NOP58: variants seen among roughly 807,000 people sequenced by gnomAD.
NOP58 encodes NOP58 ribonucleoprotein.
A neutral mutation model predicts 71.2 loss-of-function variants in NOP58; 44 were observed. The ratio of observed to expected loss-of-function variants is 0.62; its 90% CI spans 0.49 to 0.79. The LOEUF is 0.79. NOP58 is among the 30% of genes least tolerant of loss of function. The pLI is 0.00. For synonymous variants in NOP58, 228 were observed against 200.3 expected (o/e 1.14, Z -1.17); for missense variants, 538 against 620.2 (o/e 0.87, Z 1.41).
At chr2:202,301,010 G>A (rs2105858834) in intron 13 of NOP58, among the ~76,000 whole-genome samples, 1 of 152,306 alleles carries the variant, frequency 6.6e-6, no homozygotes, top group Admixed American at 6.5e-5. Context: ...TAGTATACTT[G>A]ATAGAGAAAA....
At chr2:202,269,340 ATTT>A (rs201564474) in intron 1 of NOP58, among the ~76,000 whole-genome samples, 2 of 135,212 alleles carry the variant, frequency 1.5e-5, no homozygotes. Context: ...CCTGGCCTAA[ATTT>A]TTTTTTTTTT....
intron 4 of NOP58, among the ~76,000 whole-genome samples, chr2:202,282,738 C>T (rs1163641156): frequency 6.6e-6 from 1 of 152,064 alleles, no homozygotes; most frequent in Non-Finnish European, 1.5e-5. Flanking sequence ...TGTTAATGTT[C>T]TATGTATATC....
At chr2:202,294,919 C>G (rs1167388278) in intron 9 of NOP58, among the ~76,000 whole-genome samples, 1 of 151,438 alleles carries the variant, frequency 6.6e-6, no homozygotes. Flanking sequence ...GAGCCAAGAT[C>G]GCGCCACTGC....
Position 202,302,990 on chromosome 2 carries a change from G to A in NOP58, c.1472G>A (p.Gly491Asp). The change falls in exon 14 of 15, where the codon GGT (glycine) becomes GAT (aspartate). Residue 491 changes from glycine (G) to aspartate (D), a missense_variant. Gly to Asp is a moderately conservative substitution (Grantham distance 94). Transcript: ENST00000264279. Reference protein sequence around the residue: ...ETSVKKKKKRGKKKHIKEEPL... With the variant: ...ETSVKKKKKRDKKKHIKEEPL... ...TCTGTGAAGAAGAAGAAGAAAAGGG[G>A]TAAAAAGAAACACATTAAGGAAGAA... The A allele has an allele frequency of 6.2e-7, 1 of 1,612,534 alleles. No individual in the cohort carries two copies. Among genetic ancestry groups the A allele is most frequent in the Non-Finnish European group, 8.5e-7 (1 of 1,179,704 alleles).
intron 2 of NOP58, chr2:202,276,523 CTA>C (rs779561608): frequency 1.2e-5 from 6 of 508,642 alleles, no homozygotes; most frequent in Non-Finnish European, 2.0e-5. Flanking sequence ...GATGAATCAA[CTA>C]TATGTTTCTT....
At chr2:202,302,739 T>C (rs998364572) in intron 13 of NOP58, among the ~76,000 whole-genome samples, 182 bp from the exon 14 acceptor site, 1 of 152,216 alleles carries the variant, frequency 6.6e-6, no homozygotes, top group Non-Finnish European at 1.5e-5. Context: ...CTGAGCTCTA[T>C]CTATATCATT....
chr2:202,284,256 G>A, intron 4 of NOP58, 89 bp from the exon 5 acceptor site: 1 of 1,113,238 alleles, frequency 9.0e-7, no homozygotes, highest in Non-Finnish European at 1.3e-6. Context: ...CTGGGCGACA[G>A]AGTGATACTG....
At chr2:202,278,215 T>C in intron 3 of NOP58, 1 of 643,770 alleles carries the variant, frequency 1.6e-6, no homozygotes. Flanking sequence ...ACCATAGGGC[T>C]GGTTTTCCCC....
intron 4 of NOP58, among the ~76,000 whole-genome samples, chr2:202,283,041 G>T (rs1673612062): frequency 6.6e-6 from 1 of 152,072 alleles, no homozygotes; most frequent in Admixed American, 6.6e-5. Context: ...GTGAAACCCT[G>T]TCTCTACTGA....
chr2:202,268,605 GT>G, intron 1 of NOP58, among the ~76,000 whole-genome samples: 1 of 151,442 alleles, frequency 6.6e-6, no homozygotes, highest in South Asian at 2.1e-4. Context: ...GTTTTTTGAA[GT>G]TTTTTGTTTT....
Position 202,295,669 on chromosome 2 carries a change from T to C in NOP58, c.908-5T>C, listed in dbSNP as rs1282394748. ...TGCATTCTTTGTAACTTTTTTCTTT[T>C]GTAGGTTCTCTTTTAAATTTGGCCA... is the stretch of plus-strand genomic sequence containing the variant. On this transcript the variant is annotated splice_region_variant and splice_polypyrimidine_tract_variant and intron_variant, in intron 9 of 14. Transcript: ENST00000264279. 4 of 1,560,348 alleles carry C rather than the reference T, an allele frequency of 2.6e-6. No homozygotes were observed. Among genetic ancestry groups the C allele is most frequent in the East Asian group, 4.5e-5 (2 of 44,046 alleles).
In NOP58 at chr2:202,290,462, G is replaced by A; in HGVS notation, c.634+5G>A. ...GCAAGTGTTTACAGAAAGTTGGTGAGTAATTTGTTCATCCTTTAAGGCATT... is the reference window on the plus strand; with the variant it reads ...GCAAGTGTTTACAGAAAGTTGGTGAATAATTTGTTCATCCTTTAAGGCATT... On this transcript the variant is annotated splice_donor_5th_base_variant and intron_variant, in intron 7 of 14. Transcript: ENST00000264279. 2 of 1,605,002 alleles carry A rather than the reference G, an allele frequency of 1.2e-6. No individual in the cohort carries two copies. Among genetic ancestry groups the A allele is most frequent in the Non-Finnish European group, 1.7e-6 (2 of 1,176,394 alleles).
intron 1 of NOP58, among the ~76,000 whole-genome samples, chr2:202,269,956 G>A (rs1476286094): frequency 6.6e-6 from 1 of 152,190 alleles, no homozygotes; most frequent in Non-Finnish European, 1.5e-5. Flanking sequence ...ATATTGTACA[G>A]TGTAGCTGTG....
chr2:202,287,791 C>A (rs1688818599), intron 6 of NOP58, 67 bp downstream of exon 6: 1 of 1,179,696 alleles, frequency 8.5e-7, no homozygotes, highest in African/African-American at 1.5e-5. Context: ...ACTGTTGAAA[C>A]TATCTTTTAT....
chr2:202,277,494 C>A (rs1688622658), intron 2 of NOP58, among the ~76,000 whole-genome samples: 1 of 151,126 alleles, frequency 6.6e-6, no homozygotes, highest in Non-Finnish European at 1.5e-5. Flanking sequence ...AAACAAAAAA[C>A]CATAAAGGGT....
intron 13 of NOP58, among the ~76,000 whole-genome samples, chr2:202,300,916 A>C (rs919299126): frequency 6.6e-6 from 1 of 152,208 alleles, no homozygotes; most frequent in Non-Finnish European, 1.5e-5. Context: ...GTCTAGCAGA[A>C]GAGTAAAGCA....
At chr2:202,295,975 A>AT (rs1688980551) in intron 10 of NOP58, 138 bp downstream of exon 10, 5 of 620,328 alleles carry the variant, frequency 8.1e-6, no homozygotes, top group Middle Eastern at 7.0e-4. Flanking sequence ...AGTTATTTAA[A>AT]TAAAAAGTGC....
At chr2:202,280,539 C>T (rs1481543334) in intron 3 of NOP58, among the ~76,000 whole-genome samples, 2 of 152,180 alleles carry the variant, frequency 1.3e-5, no homozygotes, top group African/African-American at 4.8e-5. Flanking sequence ...TGCCTGTTGG[C>T]CAGGCTGCTC....
chr2:202,292,507 G>A (rs1166781482), intron 8 of NOP58, among the ~76,000 whole-genome samples: 7 of 151,874 alleles, frequency 4.6e-5, no homozygotes, highest in Non-Finnish European at 1.0e-4. Flanking sequence ...GCGTGGTGGC[G>A]GGCCCCTGTA....
Sources: gnomAD v4.1 joint callset for allele counts (sites outside exome capture counted in the v4.1 genomes callset) on GRCh38, gnomAD v4.1.1 for gene constraint, MANE v1.5 for transcripts, NCBI Gene and HGNC (gene_info 2026-07-23, HGNC 2026-07-21) for gene names.